Variants in SACS observed in about 807,000 individuals in gnomAD.
SACS encodes sacsin.
SACS carries 197 observed loss-of-function variants against 348.0 expected under a neutral mutation model. That is an observed-to-expected ratio of 0.57 (90% CI 0.50 to 0.64). The LOEUF (loss-of-function observed/expected upper bound fraction) is 0.64, where lower values mean the gene tolerates loss of function less well. SACS is among the 30% of genes least tolerant of loss of function. SACS has a pLI of 0.00. For synonymous variants in SACS, 1,985 were observed against 1,910.6 expected (o/e 1.04, Z -1.02); for missense variants, 4,999 against 5,360.8 (o/e 0.93, Z 2.11).
chr13:23,413,776 T>C (rs1050044713), intron 1 of SACS, among the ~76,000 whole-genome samples: 6 of 152,212 alleles, frequency 3.9e-5, no homozygotes, highest in Non-Finnish European at 8.8e-5. Context: ...AATCTTATTA[T>C]TCTTTCATGA....
rs141920204 is a variant in SACS at position 23,340,285 on chromosome 13, G to A, written c.3591C>T (p.Ser1197=). Residue 1197 remains serine, a synonymous_variant, in exon 10 of 10, where the codon TCC becomes TCT. Transcript: ENST00000382292. ...CDVGHAILIG[S]SLPLVESIHV... ...GGATACTTTCAACAAGAGGAAGTGA[G>A]GAGCCAATGAGAATTGCATGGCCTA... 15 of 1,613,628 alleles carry A rather than the reference G, an allele frequency of 9.3e-6. No homozygotes were observed. In the East Asian group the frequency reaches 3.1e-4, roughly 34 times the overall value.
At chr13:23,359,081 C>A (rs1469544274) in intron 6 of SACS, among the ~76,000 whole-genome samples, 3 of 152,074 alleles carry the variant, frequency 2.0e-5, no homozygotes, top group Non-Finnish European at 4.4e-5. Flanking sequence ...ACTTGGGAAG[C>A]TGAGATAGGA....
chr13:23,346,992 T>C (rs532115225), intron 9 of SACS, among the ~76,000 whole-genome samples: 2 of 152,292 alleles, frequency 1.3e-5, no homozygotes, highest in Admixed American at 6.5e-5. Context: ...ACTCCAAACA[T>C]AGCAGAATAC....
chr13:23,432,042 T>C (rs1221543590), intron 1 of SACS, among the ~76,000 whole-genome samples: 1 of 152,208 alleles, frequency 6.6e-6, no homozygotes, highest in Non-Finnish European at 1.5e-5. Flanking sequence ...AGTGAATAAT[T>C]GTGTCATCTC....
rs1883323448 is a variant in SACS at position 23,329,353 on chromosome 13, A to T, written c.*783T>A. ...ATTTGTGGAAAATATGTACACACAAACATAAAGCAAGTGTTCTAACAGTTA... is the reference window on the plus strand; with the variant it reads ...ATTTGTGGAAAATATGTACACACAATCATAAAGCAAGTGTTCTAACAGTTA... On this transcript the variant is annotated 3_prime_UTR_variant, in exon 10 of 10. Transcript: ENST00000382292. 2.9e-6 allele frequency: 2 copies of T among 693,138 alleles called. No individual in the cohort carries two copies. The highest frequency in any genetic ancestry group is 1.8e-5 in the African/African-American group (1 of 55,338). The allele number at this position is 693,138 out of a possible 1,614,324, so 42.9% of individuals were successfully genotyped here. A position where few individuals can be genotyped will look rare whatever the true frequency, so the allele number is the denominator to read the frequency against.
intron 2 of SACS, among the ~76,000 whole-genome samples, chr13:23,409,743 A>G (rs1873408762): frequency 6.6e-6 from 1 of 152,216 alleles, no homozygotes; most frequent in East Asian, 1.9e-4. Context: ...ATATCTAGTC[A>G]CTAACATTTT....
Position 23,333,968 on chromosome 13 carries a change from G to A in SACS, c.9908C>T (p.Pro3303Leu). The change falls in exon 10 of 10, where the codon CCT (proline) becomes CTT (leucine). Residue 3303 changes from proline to leucine, a missense_variant. Physicochemically the swap from Pro to Leu is moderately conservative, Grantham distance 98. Coordinates refer to ENST00000382292, the MANE Select transcript of SACS (RefSeq NM_014363.6). ...AACTGCAATGTGCATAAGGCTGAGA[G>A]GAAGCAGAACATCTCCTTCAGGAAC... Reference protein sequence around the residue: ...LVVPEGDVLLPLSLMHIAVFP... With the variant: ...LVVPEGDVLLLLSLMHIAVFP... 1 of 1,613,868 alleles carries A rather than the reference G, an allele frequency of 6.2e-7. No individual in the cohort carries two copies.
At position 23,329,896 on chromosome 13, in the gene SACS, A is replaced by C; in HGVS notation, c.*240T>G. The stretch of plus-strand genomic sequence containing the variant: ...GTGCAGTTCAATGATGTATCATCCC[A>C]ATCATTCAAATCCATCCAGCTATTT... On this transcript the variant is annotated 3_prime_UTR_variant, in exon 10 of 10. Transcript: ENST00000382292. 1 of 554,638 alleles carries C rather than the reference A, an allele frequency of 1.8e-6. No homozygotes were observed. The allele number at this position is 554,638 out of a possible 1,614,324, so 34.4% of individuals were successfully genotyped here. A position where few individuals can be genotyped will look rare whatever the true frequency, so the allele number is the denominator to read the frequency against.
chr13:23,329,435 A>T lies in SACS; in HGVS notation c.*701T>A. On this transcript the variant is annotated 3_prime_UTR_variant, in exon 10 of 10. Transcript: ENST00000382292. ...AACAATACTAACAACTGGTAATAAG[A>T]ACTGCCACCATTTTGAGTTTTCCGT... 1.3e-6 allele frequency: 1 copy of T among 770,492 alleles called. No individual in the cohort carries two copies. Among genetic ancestry groups the T allele is most frequent in the South Asian group, 1.4e-5 (1 of 72,148 alleles). The allele number at this position is 770,492 out of a possible 1,614,324, so 47.7% of individuals were successfully genotyped here.
rs927804920 is a variant in SACS, at chr13:23,330,262, G to T, written c.13614C>A (p.Tyr4538Ter). The change falls in exon 10 of 10, where the codon TAC becomes TAA. Residue 4538 changes from tyrosine (Y) to a stop codon, truncating the protein, a stop_gained. Transcript: ENST00000382292. LOFTEE classifies it high-confidence loss of function. ...TCTGAGGAAAGGGAAGCAAATCAGG[G>T]TATCTTGTTTTTAAACTGTCTACAC... ...AYGVDSLKTR[Y>*]PDLLPFPQIP... The T allele has an allele frequency of 6.2e-7, 1 of 1,614,148 alleles. No individual in the cohort carries two copies. Among genetic ancestry groups the T allele is most frequent in the Non-Finnish European group, 8.5e-7 (1 of 1,179,998 alleles).
intron 2 of SACS, among the ~76,000 whole-genome samples, chr13:23,390,018 A>C (rs1292725177): frequency 3.6e-5 from 5 of 140,122 alleles, no homozygotes; most frequent in Admixed American, 7.2e-5. Flanking sequence ...ACAAATTTTC[A>C]ATGGATTTGG....
rs540792016 is a variant in SACS, at chr13:23,330,033, G to T, written c.*103C>A. The T allele has an allele frequency of 3.8e-6, 4 of 1,041,620 alleles. No individual in the cohort carries two copies. The highest frequency in any genetic ancestry group is 5.8e-6 in the Non-Finnish European group (4 of 691,822). The allele number at this position is 1,041,620 out of a possible 1,614,324, so 64.5% of individuals were successfully genotyped here. Reference sequence around the variant, plus strand: ...ATTCTCCAAGAACAATCTGCAATGTGCTTAACAATTCCTAGCTAATTGGCA... The same window carrying T: ...ATTCTCCAAGAACAATCTGCAATGTTCTTAACAATTCCTAGCTAATTGGCA... On this transcript the variant is annotated 3_prime_UTR_variant, in exon 10 of 10. Transcript: ENST00000382292.
rs751713432 is a variant in SACS, at chr13:23,336,728, C to T, written c.7148G>A (p.Arg2383His). The change falls in exon 10 of 10, where the codon CGC (arginine) becomes CAC (histidine). Residue 2383 changes from arginine to histidine, a missense_variant. Transcript: ENST00000382292. ...CACACCCACGGTTTCAAAAAGTTCG[C>T]GGAAATTATTTTTATACTTATTAGG... ...QLPNKYKNNF[R>H]ELFETVGVRQ... 3.7e-5 allele frequency: 59 copies of T among 1,613,558 alleles called. 1 individual carries two copies. Among genetic ancestry groups the T allele is most frequent in the South Asian group, 2.1e-4 (19 of 91,056 alleles).
At chr13:23,363,937 A>G (rs576675724) in intron 6 of SACS, among the ~76,000 whole-genome samples, 77 of 152,282 alleles carry the variant, frequency 5.1e-4, no homozygotes, top group African/African-American at 1.8e-3. Context: ...ATTAAGTCAC[A>G]GGCTCTTAGA....
At chr13:23,402,642 C>G (rs1050118918) in intron 2 of SACS, among the ~76,000 whole-genome samples, 3 of 152,116 alleles carry the variant, frequency 2.0e-5, no homozygotes, top group Non-Finnish European at 4.4e-5. Context: ...TATGAGCAGA[C>G]AGTTTTAAGG....
chr13:23,396,617 A>G (rs548277480), intron 2 of SACS, among the ~76,000 whole-genome samples: 1 of 152,288 alleles, frequency 6.6e-6, no homozygotes, highest in South Asian at 2.1e-4. Flanking sequence ...GTAAAAATGA[A>G]TTGCTTGACA....
At position 23,331,437 on chromosome 13, in the gene SACS, C is replaced by T; in HGVS notation, c.12439G>A (p.Glu4147Lys). Residue 4147 changes from glutamate (E) to lysine (K), a missense_variant, in exon 10 of 10, where the codon GAG (glutamate) becomes AAG (lysine). Coordinates refer to ENST00000382292, the MANE Select transcript of SACS (RefSeq NM_014363.6). ...DSLGVKYDSS[E>K]PSKLELPMPG... ...ATTGGAAGTTCCAGTTTTGATGGCTCCGAAGAGTCATATTTCACTCCTAAA... is the reference window on the plus strand; with the variant it reads ...ATTGGAAGTTCCAGTTTTGATGGCTTCGAAGAGTCATATTTCACTCCTAAA... 6.2e-7 allele frequency: 1 copy of T among 1,613,970 alleles called. No individual in the cohort carries two copies. Among genetic ancestry groups the T allele is most frequent in the Non-Finnish European group, 8.5e-7 (1 of 1,179,926 alleles).
At chr13:23,363,092 A>G (rs1220405024) in intron 6 of SACS, among the ~76,000 whole-genome samples, 1 of 150,448 alleles carries the variant, frequency 6.6e-6, no homozygotes, top group Non-Finnish European at 1.5e-5. Context: ...TATTTGTATT[A>G]GAGATGGGGT....
At position 23,335,836 on chromosome 13, in the gene SACS, A is replaced by G; in HGVS notation, c.8040T>C (p.Asp2680=). The G allele has an allele frequency of 3.7e-6, 6 of 1,614,054 alleles. No homozygotes were observed. Among genetic ancestry groups the G allele is most frequent in the Non-Finnish European group, 5.1e-6 (6 of 1,179,920 alleles). Residue 2680 remains aspartate (D), a synonymous_variant, in exon 10 of 10, where the codon GAT becomes GAC. Transcript: ENST00000382292. This position sits in a 1 kb window ranked among gnomAD's most constrained non-coding sequence, Gnocchi z 4.7. ...GGGTTCCCAGATAAAGATCCAGAAC[A>G]TCTGAGAACTGTGTCCTAAAATCTG... ...LDADFRTQFS[D]VLDLYLGTHF... is the part of the protein sequence containing the mutation.
Sources: gnomAD v4.1 joint callset for allele counts (sites outside exome capture counted in the v4.1 genomes callset) on GRCh38, gnomAD v4.1.1 for gene constraint, Gnocchi (gnomAD v3.1) non-coding constraint, MANE v1.5 for transcripts, NCBI Gene and HGNC (gene_info 2026-07-23, HGNC 2026-07-21) for gene names.